The following FARS2 variants were observed in gnomAD, a reference collection of about 807,000 sequenced individuals.
FARS2 encodes phenylalanyl-tRNA synthetase 2, mitochondrial, also known as phenylalanine--tRNA ligase, mitochondrial.
In FARS2, 40 loss-of-function variants were observed where a neutral mutation model predicts 46.4. The ratio of observed to expected loss-of-function variants is 0.86; its 90% CI spans 0.67 to 1.12. The LOEUF is 1.12. Ranked by LOEUF, FARS2 falls within the 50% of genes most tolerant of loss-of-function variation. The probability of loss-of-function intolerance (pLI) is 0.00; values close to 1 mark genes in which losing one functional copy is unlikely to be tolerated. For missense variants in FARS2, 513 were observed against 567.9 expected, an observed-to-expected ratio of 0.90 and a Z score of 0.98; for synonymous variants, 234 against 214.9, an observed-to-expected ratio of 1.09 and a Z score of -0.78.
chr6:5,365,421 C>G (rs909486221), intron 1 of FARS2, among the ~76,000 whole-genome samples: 1 of 142,670 alleles, frequency 7.0e-6, no homozygotes, highest in African/African-American at 2.6e-5. Context: ...AGCCTGAACT[C>G]CTGGGTTCAT....
At chr6:5,761,464 A>G (rs1341084908) in intron 6 of FARS2, among the ~76,000 whole-genome samples, 5 of 152,334 alleles carry the variant, frequency 3.3e-5, no homozygotes, top group South Asian at 2.1e-4. Flanking sequence ...ATGCTGATCA[A>G]TTGCTTGAGT....
chr6:5,721,071 T>A (rs1759871796), intron 6 of FARS2, among the ~76,000 whole-genome samples: 1 of 152,168 alleles, frequency 6.6e-6, no homozygotes, highest in Non-Finnish European at 1.5e-5. Flanking sequence ...AAATAAAGTT[T>A]AAATGTTTTA....
chr6:5,451,621 C>A (rs1008339996), intron 4 of FARS2: 1 of 152,116 alleles, frequency 6.6e-6, no homozygotes, highest in Non-Finnish European at 1.5e-5. Flanking sequence ...ATATAAAATC[C>A]TCTCTAGATT....
intron 1 of FARS2, among the ~76,000 whole-genome samples, chr6:5,364,008 T>A (rs1374638401): frequency 2.0e-5 from 3 of 152,228 alleles, no homozygotes; most frequent in Non-Finnish European, 4.4e-5. Flanking sequence ...TCATTCATAC[T>A]GAACTTCCAT....
At chr6:5,770,137 C>T (rs1762958809) in intron 6 of FARS2, among the ~76,000 whole-genome samples, 1 of 152,192 alleles carries the variant, frequency 6.6e-6, no homozygotes, top group African/African-American at 2.4e-5. Context: ...AGGCTCTGGA[C>T]TCAGGTGGCA....
intron 1 of FARS2, among the ~76,000 whole-genome samples, chr6:5,320,484 C>G (rs545354055): frequency 5.9e-5 from 9 of 152,208 alleles, no homozygotes; most frequent in Non-Finnish European, 1.3e-4. Context: ...CTGAAAAGCA[C>G]CTGCTTCTTT....
chr6:5,689,564 C>G (rs929279508), intron 6 of FARS2, among the ~76,000 whole-genome samples: 5 of 152,146 alleles, frequency 3.3e-5, no homozygotes, highest in African/African-American at 1.2e-4. Flanking sequence ...GTCTGAGAAA[C>G]AGTTTGTTAT....
chr6:5,686,688 C>T (rs1757255062), intron 6 of FARS2, among the ~76,000 whole-genome samples: 1 of 152,158 alleles, frequency 6.6e-6, no homozygotes, highest in African/African-American at 2.4e-5. Context: ...TTTATAACAG[C>T]ATGTTTTATA....
At chr6:5,558,839 T>C (rs1163617189) in intron 5 of FARS2, among the ~76,000 whole-genome samples, 1 of 152,108 alleles carries the variant, frequency 6.6e-6, no homozygotes, top group Non-Finnish European at 1.5e-5. Context: ...CACTGTAAGA[T>C]TTATTAATTA....
intron 1 of FARS2, among the ~76,000 whole-genome samples, chr6:5,349,903 TCAC>T (rs1455884802): frequency 5.3e-5 from 8 of 151,134 alleles, no homozygotes; most frequent in Non-Finnish European, 1.0e-4. Context: ...TTTGGAAGGA[TCAC>T]AATTGTAAAG....
At chr6:5,533,142 G>T (rs565033673) in intron 4 of FARS2, among the ~76,000 whole-genome samples, 5 of 152,132 alleles carry the variant, frequency 3.3e-5, no homozygotes, top group African/African-American at 1.2e-4. Flanking sequence ...GACTTGCGAC[G>T]CTGTGCCTGC....
chr6:5,717,518 C>T (rs1182807377), intron 6 of FARS2, among the ~76,000 whole-genome samples: 1 of 152,068 alleles, frequency 6.6e-6, no homozygotes, highest in African/African-American at 2.4e-5. Flanking sequence ...TGTCATTTAA[C>T]ATGTTCTTCT....
At chr6:5,344,572 G>A (rs895482257) in intron 1 of FARS2, among the ~76,000 whole-genome samples, 2 of 152,164 alleles carry the variant, frequency 1.3e-5, no homozygotes, top group African/African-American at 4.8e-5. Flanking sequence ...TTGTGTGTAT[G>A]AAAGGACACA....
chr6:5,614,411 C>CTTTTTTT (rs199992978), intron 6 of FARS2, among the ~76,000 whole-genome samples: 2 of 139,482 alleles, frequency 1.4e-5, no homozygotes, highest in African/African-American at 5.4e-5. Flanking sequence ...CCTTCTTTGT[C>CTTTTTTT]TTTTTTTTTT....
intron 5 of FARS2, among the ~76,000 whole-genome samples, chr6:5,565,597 G>A (rs1772277934): frequency 6.6e-6 from 1 of 152,140 alleles, no homozygotes; most frequent in Admixed American, 6.5e-5. Flanking sequence ...ATGATTGATA[G>A]CATATACTTA....
chr6:5,650,429 T>A (rs1008791333), intron 6 of FARS2, among the ~76,000 whole-genome samples: 7 of 152,076 alleles, frequency 4.6e-5, no homozygotes, highest in African/African-American at 1.7e-4. Flanking sequence ...TCAAGGAGAT[T>A]TACCAAGCAC....
intron 4 of FARS2, among the ~76,000 whole-genome samples, chr6:5,533,965 G>A (rs1368332963): frequency 1.3e-5 from 2 of 152,198 alleles, no homozygotes; most frequent in East Asian, 1.9e-4. Context: ...TTTCCTTAAG[G>A]AAGATTTAGA....
chr6:5,500,214 C>G (rs577313711), intron 4 of FARS2, among the ~76,000 whole-genome samples: 1 of 152,288 alleles, frequency 6.6e-6, no homozygotes, highest in South Asian at 2.1e-4. Context: ...CCCTAGAAAA[C>G]TTTATTTTCT....
intron 4 of FARS2, chr6:5,466,604 A>G (rs766979725): frequency 1.3e-4 from 127 of 985,312 alleles, no homozygotes; most frequent in Non-Finnish European, 1.5e-4. Flanking sequence ...AGACTTCATA[A>G]TGGTCCTGAT....
Sources: allele counts gnomAD v4.1 joint callset (sites outside exome capture counted in the v4.1 genomes callset), GRCh38; gene constraint gnomAD v4.1.1; transcripts MANE v1.5; gene names NCBI Gene and HGNC (gene_info 2026-07-23, HGNC 2026-07-21).